NCOA3: variants seen among roughly 807,000 people sequenced by gnomAD.
NCOA3 encodes the protein nuclear receptor coactivator 3, also known as CBP-interacting protein.
A neutral mutation model predicts 158.8 loss-of-function variants in NCOA3; 51 were observed. The observed-to-expected ratio is 0.32, with a 90% CI of 0.26 to 0.41. The LOEUF (loss-of-function observed/expected upper bound fraction) is 0.41, where lower values mean the gene tolerates loss of function less well. NCOA3 is among the 10% of genes least tolerant of loss of function. The probability of loss-of-function intolerance (pLI) is 1.00; values close to 1 mark genes in which losing one functional copy is unlikely to be tolerated. For synonymous variants in NCOA3, 537 were observed against 592.4 expected, an observed-to-expected ratio of 0.91 and a Z score of 1.36; for missense variants, 1,510 against 1,746.6, an observed-to-expected ratio of 0.86 and a Z score of 2.41.
At chr20:47,516,149 G>A (rs983263227) in intron 1 of NCOA3, among the ~76,000 whole-genome samples, 7 of 152,126 alleles carry the variant, frequency 4.6e-5, no homozygotes, top group African/African-American at 1.7e-4. Flanking sequence ...CTCATAAAAT[G>A]CACGATACCA....
At chr20:47,623,148 T>C (rs1159657530) in intron 3 of NCOA3, 1 of 152,232 alleles carries the variant, frequency 6.6e-6, no homozygotes, top group East Asian at 1.9e-4. Flanking sequence ...ATGTAATCTA[T>C]ATAACACTAC....
At chr20:47,650,823 A>G (rs1363683062) in intron 19 of NCOA3, among the ~76,000 whole-genome samples, 159 bp from the exon 20 acceptor site, 1 of 152,022 alleles carries the variant, frequency 6.6e-6, no homozygotes, top group Non-Finnish European at 1.5e-5. Flanking sequence ...AGATTGTGCC[A>G]CTGCGCTCCA....
chr20:47,640,078 G>T (rs1568748875), intron 16 of NCOA3, 27 bp downstream of exon 16: 1 of 1,613,786 alleles, frequency 6.2e-7, no homozygotes, highest in South Asian at 1.1e-5. Flanking sequence ...TGACTCTGTA[G>T]AAAATCTCAG....
chr20:47,590,982 G>T (rs916074738), intron 2 of NCOA3, among the ~76,000 whole-genome samples: 1 of 151,878 alleles, frequency 6.6e-6, no homozygotes, highest in Admixed American at 6.6e-5. Context: ...GGTGATGGGT[G>T]CCTGTAATCC....
intron 1 of NCOA3, among the ~76,000 whole-genome samples, chr20:47,563,063 G>A (rs1247172302): frequency 2.6e-5 from 4 of 152,188 alleles, no homozygotes. Context: ...ATGTTTATGT[G>A]AGCATCAGGT....
intron 8 of NCOA3, among the ~76,000 whole-genome samples, chr20:47,629,524 T>C (rs541160338): frequency 8.0e-4 from 122 of 152,162 alleles, no homozygotes; most frequent in African/African-American, 2.7e-3. Context: ...AGAGACAGGG[T>C]TTCACAATGT....
chr20:47,509,962 A>G (rs995669390), intron 1 of NCOA3, among the ~76,000 whole-genome samples: 3 of 152,230 alleles, frequency 2.0e-5, no homozygotes, highest in Non-Finnish European at 4.4e-5. Context: ...GACTACATAT[A>G]GGAAAATCTA....
chr20:47,627,226 C>T, intron 6 of NCOA3, 50 bp downstream of exon 6: 2 of 1,408,686 alleles, frequency 1.4e-6, no homozygotes, highest in Non-Finnish European at 1.9e-6. Flanking sequence ...TTTTCCTTGA[C>T]CATTTCTTAG....
chr20:47,633,548 C>T lies in NCOA3; in HGVS notation c.876C>T (p.Gly292=), dbSNP rs2146317025. 2 of 1,613,452 alleles carry T rather than the reference C, an allele frequency of 1.2e-6. No individual in the cohort carries two copies. Among genetic ancestry groups the T allele is most frequent in the Non-Finnish European group, 1.7e-6 (2 of 1,179,472 alleles). The change falls in exon 9 of 23, where the codon GGC becomes GGT. Residue 292 remains glycine (G), a synonymous_variant. Coordinates refer to ENST00000371998, the MANE Select transcript of NCOA3 (RefSeq NM_181659.3). ...CACTGAGATCCTCCATGAGGCCTGG[C>T]TTTGAAGATATAATCCGAAGGTGTA... ...TNSLRSSMRP[G]FEDIIRRCIQ... is the part of the protein sequence containing the mutation.
intron 1 of NCOA3, among the ~76,000 whole-genome samples, chr20:47,564,543 CCT>C (rs1401802360): frequency 1.6e-5 from 2 of 127,296 alleles, no homozygotes; most frequent in African/African-American, 6.1e-5. Flanking sequence ...ATTTATTTCT[CCT>C]CTTTTTTTTT....
intron 1 of NCOA3, among the ~76,000 whole-genome samples, chr20:47,538,349 A>G (rs2084668611): frequency 6.6e-6 from 1 of 152,160 alleles, no homozygotes; most frequent in Non-Finnish European, 1.5e-5. Context: ...AATAATATTA[A>G]TTTATTTGGG....
At chr20:47,580,482 G>T (rs1298372077) in intron 1 of NCOA3, among the ~76,000 whole-genome samples, 1 of 151,890 alleles carries the variant, frequency 6.6e-6, no homozygotes, top group Non-Finnish European at 1.5e-5. Context: ...CTTTAACCCG[G>T]GAGGCAGAGG....
Position 47,639,835 on chromosome 20 carries a change from C to A in NCOA3, c.2953+13C>A. On this transcript the variant is annotated intron_variant, in intron 15 of 22. Transcript: ENST00000371998. ...ATGCTTCAAATGAGTAAGTGTCCAC[C>A]CTCCCCTCTTCATGAAAAAAGAAAG... 6.2e-7 allele frequency: 1 copy of A among 1,612,800 alleles called. No individual in the cohort carries two copies. The highest frequency in any genetic ancestry group is 1.3e-5 in the African/African-American group (1 of 74,926).
chr20:47,624,461 A>G (rs956779372), intron 4 of NCOA3, among the ~76,000 whole-genome samples: 6 of 152,174 alleles, frequency 3.9e-5, no homozygotes, highest in Non-Finnish European at 5.9e-5. Context: ...ACCTGTGAGA[A>G]TCTAATGCTA....
At chr20:47,577,587 T>A (rs1191764666) in intron 1 of NCOA3, among the ~76,000 whole-genome samples, 7 of 152,220 alleles carry the variant, frequency 4.6e-5, no homozygotes, top group Admixed American at 3.9e-4. Context: ...GAACATAGCT[T>A]TCATTTTAGG....
intron 2 of NCOA3, among the ~76,000 whole-genome samples, chr20:47,604,072 A>G (rs2085906043): frequency 6.6e-6 from 1 of 152,168 alleles, no homozygotes; most frequent in Admixed American, 6.5e-5. Context: ...ACTAGGTTGT[A>G]GATCTGTTTG....
At chr20:47,525,031 TAAAC>T (rs2084405281) in intron 1 of NCOA3, among the ~76,000 whole-genome samples, 3 of 149,710 alleles carry the variant, frequency 2.0e-5, no homozygotes, top group Admixed American at 1.3e-4. Context: ...GGTCAGCAGA[TAAAC>T]AAGTGAACAA....
intron 17 of NCOA3, among the ~76,000 whole-genome samples, chr20:47,645,324 A>G (rs1051353110): frequency 3.3e-5 from 5 of 151,292 alleles, no homozygotes; most frequent in East Asian, 2.0e-4. Context: ...CTATACTCAG[A>G]CTCCTAACCA....
At position 47,636,332 on chromosome 20, in the gene NCOA3, C is replaced by A; in HGVS notation, c.1946C>A (p.Ser649Tyr). 1 of 1,614,174 alleles carries A rather than the reference C, an allele frequency of 6.2e-7. No individual in the cohort carries two copies. Among genetic ancestry groups the A allele is most frequent in the Non-Finnish European group, 8.5e-7 (1 of 1,180,024 alleles). The change falls in exon 12 of 23, where the codon TCT becomes TAT. Residue 649 changes from serine to tyrosine, a missense_variant. Coordinates refer to ENST00000371998, the MANE Select transcript of NCOA3 (RefSeq NM_181659.3). ...CCCCTAGATTCAAGTTGTAAAGAAT[C>A]TTCTGTTAGTGTCACCAGCCCCTCT... ...NSPLDSSCKE[S>Y]SVSVTSPSGV... is the part of the protein sequence containing the mutation.
Sources: allele counts gnomAD v4.1 joint callset (sites outside exome capture counted in the v4.1 genomes callset), GRCh38; gene constraint gnomAD v4.1.1; transcripts MANE v1.5; gene names NCBI Gene and HGNC (gene_info 2026-07-23, HGNC 2026-07-21).